ECRG4: variants seen among roughly 807,000 people sequenced by gnomAD.
ECRG4 encodes the protein augurin.
Under a neutral mutation model 15.8 loss-of-function variants are expected in ECRG4, and 18 were observed. The observed-to-expected ratio is 1.14, with a 90% CI of 0.79 to 1.69. The LOEUF is 1.69. ECRG4 is among the 40% of genes most tolerant of loss of function. The pLI is 0.00. For synonymous variants in ECRG4, 82 were observed against 73.9 expected, an observed-to-expected ratio of 1.11 and a Z score of -0.56; for missense variants, 200 against 190.9, an observed-to-expected ratio of 1.05 and a Z score of -0.28.
Position 106,078,030 on chromosome 2 carries a change from T to A in ECRG4, c.*104T>A. The stretch of plus-strand genomic sequence containing the variant: ...TTCTGATTTGCTCTATTTCAGCAGA[T>A]CTTTTCTACCTACTTTGTGTGATCA... On this transcript the variant is annotated 3_prime_UTR_variant, in exon 4 of 4. Transcript: ENST00000238044. The A allele has an allele frequency of 9.1e-7, 1 of 1,100,316 alleles. No individual in the cohort carries two copies. Among genetic ancestry groups the A allele is most frequent in the African/African-American group, 1.6e-5 (1 of 63,278 alleles). 68.2% of individuals were successfully genotyped at this position (1,100,316 alleles called of 1,614,324 possible).
intron 3 of ECRG4, among the ~76,000 whole-genome samples, chr2:106,077,177 C>A (rs919985382): frequency 5.3e-5 from 8 of 152,220 alleles, no homozygotes; most frequent in African/African-American, 1.7e-4. Flanking sequence ...GGGCATGACA[C>A]ACAGTGCCCA....
At chr2:106,067,346 A>G (rs182513750) in intron 1 of ECRG4, among the ~76,000 whole-genome samples, 51 of 152,318 alleles carry the variant, frequency 3.3e-4, no homozygotes, top group Admixed American at 3.3e-3. Flanking sequence ...ACATCTGAAT[A>G]AGTCAAGTGA....
Position 106,071,706 on chromosome 2 carries a change from G to A in ECRG4, c.80-138G>A, listed in dbSNP as rs573605840. On this transcript the variant is annotated intron_variant, in intron 1 of 3. Transcript: ENST00000238044. ...CTGCAGGACAGGGAATACAGCAAGT[G>A]TTAAATACTGTGATGTTACCAAGTT... is the stretch of plus-strand genomic sequence containing the variant. 2.9e-4 allele frequency: 184 copies of A among 641,282 alleles called. 1 individual carries two copies. Among genetic ancestry groups the A allele is most frequent in the South Asian group, 1.8e-3 (95 of 51,922 alleles). 39.7% of individuals were successfully genotyped at this position (641,282 alleles called of 1,614,324 possible).
chr2:106,073,504 C>A (rs188713727), intron 2 of ECRG4, among the ~76,000 whole-genome samples: 1 of 152,156 alleles, frequency 6.6e-6, no homozygotes, highest in Admixed American at 6.5e-5. Flanking sequence ...TGCCCGTATA[C>A]CTGTGTGGCA....
upstream of ECRG4, among the ~76,000 whole-genome samples, chr2:106,063,850 G>A (rs1266496466): frequency 2.0e-5 from 3 of 152,164 alleles, no homozygotes; most frequent in African/African-American, 7.2e-5. Context: ...CCAAAGTGCT[G>A]GGATTACAGG....
intron 3 of ECRG4, among the ~76,000 whole-genome samples, chr2:106,075,697 G>A (rs1273115305): frequency 6.6e-6 from 1 of 152,042 alleles, no homozygotes; most frequent in Non-Finnish European, 1.5e-5. Context: ...ACTCCAGCCT[G>A]GGCAACAGAA....
upstream of ECRG4, chr2:106,063,403 G>A (rs1676142740): frequency 6.6e-6 from 1 of 152,100 alleles, no homozygotes; most frequent in Non-Finnish European, 1.5e-5. Flanking sequence ...CAGCCCAAAT[G>A]GACTAAGACA....
chr2:106,073,275 G>C (rs1209690464), intron 2 of ECRG4, among the ~76,000 whole-genome samples: 3 of 152,212 alleles, frequency 2.0e-5, no homozygotes, highest in African/African-American at 7.2e-5. Flanking sequence ...GCAGTGTGAG[G>C]GTGCGGGTCA....
rs932023714 is a variant in ECRG4, at chr2:106,073,697, A to C, written c.128-189A>C. ...TATAGGGTTGTACCAAATAACACTT[A>C]CTAACAGGAAGCATGGTGACAGAAT... On this transcript the variant is annotated intron_variant, in intron 2 of 3. Coordinates refer to ENST00000238044, the MANE Select transcript of ECRG4 (RefSeq NM_032411.3). The C allele has an allele frequency of 1.9e-5, 13 of 696,860 alleles. 1 individual carries two copies. Among genetic ancestry groups the C allele is most frequent in the Middle Eastern group, 3.0e-4 (1 of 3,304 alleles). The allele number at this position is 696,860 out of a possible 1,614,324, so 43.2% of individuals were successfully genotyped here.
chr2:106,073,615 G>A lies in ECRG4; in HGVS notation c.128-271G>A, dbSNP rs538454523. On this transcript the variant is annotated intron_variant, in intron 2 of 3. Transcript: ENST00000238044. ...GGTGCGAGTGGGCTGCAGGAGATGA[G>A]CTGAATTTCATTTCTACCCTGAGGA... Among the ~76,000 whole-genome samples the A allele has an allele frequency of 2.6e-5, 4 of 152,352 alleles. 1 individual carries two copies. The highest frequency in any genetic ancestry group is 4.1e-4 in the South Asian group (2 of 4,830).
chr2:106,067,678 T>G (rs1211558462), intron 1 of ECRG4, among the ~76,000 whole-genome samples: 1 of 151,942 alleles, frequency 6.6e-6, no homozygotes, highest in African/African-American at 2.4e-5. Flanking sequence ...AGATGGGGTT[T>G]CTCCATGTTG....
chr2:106,074,924 G>C (rs1676453467), intron 3 of ECRG4, among the ~76,000 whole-genome samples: 1 of 152,180 alleles, frequency 6.6e-6, no homozygotes. Context: ...ATTTGTAATG[G>C]CTACATAAAG....
intron 1 of ECRG4, among the ~76,000 whole-genome samples, chr2:106,069,103 C>T (rs1428005304): frequency 1.4e-5 from 2 of 139,098 alleles, no homozygotes; most frequent in East Asian, 4.7e-4. Flanking sequence ...TTCCTTCCTT[C>T]CTTCCTTCTT....
chr2:106,072,247 C>G (rs2104795629), intron 2 of ECRG4: 2 of 189,304 alleles, frequency 1.1e-5, no homozygotes. Context: ...AGGCGTGGAA[C>G]AGCAGTGTTG....
At chr2:106,076,181 G>C (rs1254345935) in intron 3 of ECRG4, among the ~76,000 whole-genome samples, 1 of 152,088 alleles carries the variant, frequency 6.6e-6, no homozygotes, top group Non-Finnish European at 1.5e-5. Context: ...AGCCAGGCGT[G>C]GTGGCAGATG....
Position 106,073,528 on chromosome 2 carries a change from C to A in ECRG4, c.128-358C>A, listed in dbSNP as rs1422923511. ...ACCTGTGTGGCACTAGATATCCAGT[C>A]TGTTTCCTGAATGCGGAGCCTGAGG... On this transcript the variant is annotated intron_variant, in intron 2 of 3. Transcript: ENST00000238044. Among the ~76,000 whole-genome samples the A allele has an allele frequency of 2.6e-5, 4 of 152,218 alleles. 1 individual carries two copies. The highest frequency in any genetic ancestry group is 9.6e-5 in the African/African-American group (4 of 41,454).
intron 3 of ECRG4, among the ~76,000 whole-genome samples, chr2:106,077,392 A>C (rs6732606): frequency 0.43 from 65,213 of 152,044 alleles, 14,083 homozygotes; most frequent in South Asian, 0.56. Context: ...TGGGGTAGGA[A>C]GATAAGACAG....
At chr2:106,067,267 G>A (rs1676247158) in intron 1 of ECRG4, among the ~76,000 whole-genome samples, 1 of 151,782 alleles carries the variant, frequency 6.6e-6, no homozygotes, top group African/African-American at 2.4e-5. Context: ...ACTCCAGCCT[G>A]GGTAACAAGA....
chr2:106,072,094 A>C (rs1282919367), intron 2 of ECRG4: 2 of 518,304 alleles, frequency 3.9e-6, no homozygotes, highest in Non-Finnish European at 6.8e-6. Flanking sequence ...TAAATGTCTG[A>C]AGGTTATTTT....
Sources: gnomAD v4.1 joint callset for allele counts (sites outside exome capture counted in the v4.1 genomes callset) on GRCh38, gnomAD v4.1.1 for gene constraint, MANE v1.5 for transcripts, NCBI Gene and HGNC (gene_info 2026-07-23, HGNC 2026-07-21) for gene names.